Variants in TTN observed in about 807,000 individuals in gnomAD.
TTN encodes titin, also known as connectin.
In TTN, 1,525 loss-of-function variants were observed where a neutral mutation model predicts 3,223.0. The ratio of observed to expected loss-of-function variants is 0.47; its 90% CI spans 0.45 to 0.49. The LOEUF (loss-of-function observed/expected upper bound fraction) is 0.49. Ranked by LOEUF, TTN falls within the 20% of genes least tolerant of loss-of-function variation. The probability of loss-of-function intolerance (pLI) is 0.00; values close to 1 mark genes in which losing one functional copy is unlikely to be tolerated. For synonymous variants in TTN, 14,094 were observed against 15,161.0 expected (o/e 0.93, Z 5.17); for missense variants, 40,786 against 43,424.0 (o/e 0.94, Z 5.40).
At position 178,711,007 on chromosome 2, in the gene TTN, C is replaced by T. The variant is rs1202480325; in HGVS notation, c.28174+55G>A. 1.9e-6 allele frequency: 3 copies of T among 1,548,248 alleles called. No homozygotes were observed. In the African/African-American group the frequency reaches 4.1e-5, roughly 21 times the overall value. On this transcript the variant is annotated intron_variant, in intron 97 of 362. Coordinates refer to ENST00000589042, the MANE Select transcript of TTN (RefSeq NM_001267550.2). Reference sequence around the variant, plus strand: ...TGAAATAGAAATTTCTCCCTAAGTTCATATTTGATTATAATACTTTAATTC... The same window carrying T: ...TGAAATAGAAATTTCTCCCTAAGTTTATATTTGATTATAATACTTTAATTC...
At position 178,774,317 on chromosome 2, in the gene TTN, G is replaced by C; in HGVS notation, c.6947C>G (p.Ser2316Cys). 6.2e-7 allele frequency: 1 copy of C among 1,614,084 alleles called. No individual in the cohort carries two copies. Among genetic ancestry groups the C allele is most frequent in the Non-Finnish European group, 8.5e-7 (1 of 1,179,984 alleles). ...CGTGAGGTTCTGACGTCCACGACGA[G>C]ATGTAATTGTATATTTGCCATTGGA... ...LKSNGKYTIT[S>C]RRGRQNLTVK... The change falls in exon 30 of 363, where the codon TCT becomes TGT. Residue 2316 changes from serine to cysteine, a missense_variant. Coordinates refer to ENST00000589042, the MANE Select transcript of TTN (RefSeq NM_001267550.2).
At chr2:178,793,620 T>C (rs936817217) in intron 8 of TTN, 79 bp from the exon 9 acceptor site, 36 of 1,593,008 alleles carry the variant, frequency 2.3e-5, no homozygotes, top group Middle Eastern at 3.3e-4. Flanking sequence ...CTCGCCAACA[T>C]GGTGAAATCC....
Position 178,714,141 on chromosome 2 carries a change from T to C in TTN, c.26517A>G (p.Ile8839Met). ...PATIVEKPES[I>M]KVTTGDTCTL... ...TACAGGTGTCTCCCGTGGTAACTTT[T>C]ATGGATTCTGGCTTTTCTACAATTG... The change falls in exon 92 of 363, where the codon ATA becomes ATG. Residue 8839 changes from isoleucine to methionine, a missense_variant. Physicochemically the swap from Ile to Met is conservative, Grantham distance 10. Coordinates refer to ENST00000589042, the MANE Select transcript of TTN (RefSeq NM_001267550.2). 1.2e-6 allele frequency: 2 copies of C among 1,613,242 alleles called. No homozygotes were observed. Among genetic ancestry groups the C allele is most frequent in the Non-Finnish European group, 8.5e-7 (1 of 1,179,514 alleles).
chr2:178,747,532 C>G (rs763123059), intron 47 of TTN: 22 of 1,613,322 alleles, frequency 1.4e-5, no homozygotes, highest in Non-Finnish European at 1.9e-5. Context: ...CTAGTGATTC[C>G]TGTTTCTGGT....
Position 178,537,092 on chromosome 2 carries a change from C to T in TTN, c.100017G>A (p.Trp33339Ter). The change falls in exon 356 of 363, where the codon TGG becomes TGA. Residue 33339 changes from tryptophan to a stop codon, truncating the protein, a stop_gained. Coordinates refer to ENST00000589042, the MANE Select transcript of TTN (RefSeq NM_001267550.2). LOFTEE classifies it high-confidence loss of function. The part of the protein sequence containing the change: ...EKCEAKEGAE[W>*]QLVSSAISVT... ...CTGAGATGGCTGAAGACACCAATTG[C>T]CATTCAGCCCCCTCCTTGGCCTCAC... 2 of 1,613,156 alleles carry T rather than the reference C, an allele frequency of 1.2e-6. No homozygotes were observed. The highest frequency in any genetic ancestry group is 2.2e-5 in the South Asian group (2 of 90,956).
chr2:178,539,790 C>T lies in TTN; in HGVS notation c.98275G>A (p.Glu32759Lys), dbSNP rs748573833. ...CTGTCTGCTTCTTTGATCACAAGCT[C>T]AGTGTGTGTTTCAGATGTTGCAATC... is the stretch of plus-strand genomic sequence containing the variant. The part of the protein sequence containing the change: ...AMIATSETHT[E>K]LVIKEADRGD... The change falls in exon 352 of 363, where the codon GAG becomes AAG. Residue 32759 changes from glutamate to lysine, a missense_variant. Coordinates refer to ENST00000589042, the MANE Select transcript of TTN (RefSeq NM_001267550.2). 1.2e-6 allele frequency: 2 copies of T among 1,613,852 alleles called. No homozygotes were observed. The highest frequency in any genetic ancestry group is 4.5e-5 in the East Asian group (2 of 44,872).
chr2:178,783,380 T>C (rs2092941521), intron 17 of TTN, among the ~76,000 whole-genome samples: 1 of 152,210 alleles, frequency 6.6e-6, no homozygotes, highest in African/African-American at 2.4e-5. Context: ...TATTTTATTA[T>C]GCTTGTTTGT....
At chr2:178,793,219 G>A (rs1252278605) in intron 9 of TTN, among the ~76,000 whole-genome samples, 185 bp downstream of exon 9, 3 of 152,188 alleles carry the variant, frequency 2.0e-5, no homozygotes, top group Admixed American at 2.0e-4. Flanking sequence ...CACAAGGGGA[G>A]CATTCAGGGA....
At chr2:178,689,002 G>GATTT in intron 125 of TTN, 51 bp downstream of exon 125, 1 of 1,217,608 alleles carries the variant, frequency 8.2e-7, no homozygotes, top group Non-Finnish European at 1.2e-6. Flanking sequence ...CACACTCGAA[G>GATTT]ATTTTTTTTT....
Position 178,609,198 on chromosome 2 carries a change from A to C in TTN, c.52102+10T>G. On this transcript the variant is annotated intron_variant, in intron 273 of 362. Transcript: ENST00000589042. ...TTTTTCCATTGGAAAGTGTAGTTTTAATGACTCACCTAACACACTGACAGT... is the reference window on the plus strand; with the variant it reads ...TTTTTCCATTGGAAAGTGTAGTTTTCATGACTCACCTAACACACTGACAGT... The C allele has an allele frequency of 6.7e-7, 1 of 1,491,688 alleles. No homozygotes were observed. Among genetic ancestry groups the C allele is most frequent in the Non-Finnish European group, 8.9e-7 (1 of 1,126,566 alleles). 92.4% of individuals were successfully genotyped at this position (1,491,688 alleles called of 1,614,324 possible). A position where few individuals can be genotyped will look rare whatever the true frequency, so the allele number is the denominator to read the frequency against.
In TTN at chr2:178,616,854, T is replaced by G. The variant is rs2057430031; in HGVS notation, c.48035A>C (p.Lys16012Thr). ...VLETGDRVKMKTLSAYAELVI... is the reference protein window; with the variant it reads ...VLETGDRVKMTTLSAYAELVI... The stretch of plus-strand genomic sequence containing the variant: ...AAGTTCGGCATAGGCAGACAAGGTC[T>G]TCATTTTCACCCGGTCCCCTGTTTC... Residue 16012 changes from lysine to threonine, a missense_variant, in exon 256 of 363, where the codon AAG (lysine) becomes ACG (threonine). Physicochemically the swap from Lys to Thr is moderately conservative, Grantham distance 78. Coordinates refer to ENST00000589042, the MANE Select transcript of TTN (RefSeq NM_001267550.2). 1 of 1,612,620 alleles carries G rather than the reference T, an allele frequency of 6.2e-7. No individual in the cohort carries two copies. Among genetic ancestry groups the G allele is most frequent in the South Asian group, 1.1e-5 (1 of 91,064 alleles).
chr2:178,594,760 T>C (rs551272354), intron 295 of TTN, 114 bp from the exon 296 acceptor site: 255 of 825,916 alleles, frequency 3.1e-4, no homozygotes, highest in Non-Finnish European at 4.4e-4. Context: ...AACTCTCTGC[T>C]CCCATAAATA....
At chr2:178,640,192 G>C in intron 221 of TTN, 82 bp from the exon 222 acceptor site, 1 of 1,269,502 alleles carries the variant, frequency 7.9e-7, no homozygotes, top group Non-Finnish European at 1.1e-6. Context: ...TTAAGCCCAC[G>C]TATCTTGGAA....
intron 47 of TTN, chr2:178,748,348 A>T: frequency 6.2e-7 from 1 of 1,613,166 alleles, no homozygotes; most frequent in South Asian, 1.1e-5. Context: ...CCATAGTTCT[A>T]TTTGAAAGCT....
In TTN at chr2:178,559,281, A is replaced by T. The variant is rs745487280; in HGVS notation, c.86821+30T>A. 7.9e-6 allele frequency: 12 copies of T among 1,525,502 alleles called. 1 individual carries two copies. In the South Asian group the frequency reaches 1.6e-4, roughly 20 times the overall value. The allele number at this position is 1,525,502 out of a possible 1,614,324, so 94.5% of individuals were successfully genotyped here. A position where few individuals can be genotyped will look rare whatever the true frequency, so the allele number is the denominator to read the frequency against. ...CTATTCTAGCAAAATTAACGTGGAT[A>T]TGTAGAATTTCCTTATTCTTAAAAC... On this transcript the variant is annotated intron_variant, in intron 326 of 362. Coordinates refer to ENST00000589042, the MANE Select transcript of TTN (RefSeq NM_001267550.2).
chr2:178,740,615 T>G lies in TTN; in HGVS notation c.12618A>C (p.Leu4206Phe). The change falls in exon 48 of 363, where the codon TTA becomes TTC. Residue 4206 changes from leucine to phenylalanine, a missense_variant. By Grantham distance (22) the Leu-to-Phe change is conservative. Coordinates refer to ENST00000589042, the MANE Select transcript of TTN (RefSeq NM_001267550.2). ...SLTVEPLKTL[L>F]AEPEGNYPQS... ...GTGGATAATTCCCTTCAGGTTCAGCTAATAAAGTTTTCAGAGGCTCAACTG... is the reference window on the plus strand; with the variant it reads ...GTGGATAATTCCCTTCAGGTTCAGCGAATAAAGTTTTCAGAGGCTCAACTG... The G allele has an allele frequency of 6.2e-7, 1 of 1,613,894 alleles. No homozygotes were observed. Among genetic ancestry groups the G allele is most frequent in the Non-Finnish European group, 8.5e-7 (1 of 1,179,824 alleles).
chr2:178,784,443 G>T (rs915919535), intron 15 of TTN, 92 bp from the exon 16 acceptor site: 1 of 1,501,610 alleles, frequency 6.7e-7, no homozygotes, highest in Non-Finnish European at 9.1e-7. Context: ...TTTCTATAAG[G>T]TCTGTTCTTT....
intron 121 of TTN, 65 bp downstream of exon 121, chr2:178,691,951 G>A: frequency 7.3e-7 from 1 of 1,367,230 alleles, no homozygotes; most frequent in Non-Finnish European, 1.0e-6. Context: ...TACATATGAA[G>A]ATCGTAGAAA....
rs372404266 is a variant in TTN at position 178,618,073 on chromosome 2, C to T, written c.47278G>A (p.Gly15760Ser). ...GTGATGGTTACATTCAAAGGAGGGCCTGGAACATCTGGATTTCACCACAGA... is the reference window on the plus strand; with the variant it reads ...GTGATGGTTACATTCAAAGGAGGGCTTGGAACATCTGGATTTCACCACAGA... Reference protein sequence around the residue: ...VEARSKYDVPGPPLNVTITDV... With the variant: ...VEARSKYDVPSPPLNVTITDV... Residue 15760 changes from glycine to serine, a missense_variant, in exon 253 of 363, where the codon GGC becomes AGC. By Grantham distance (56) the Gly-to-Ser change is moderately conservative (BLOSUM62 0). Coordinates refer to ENST00000589042, the MANE Select transcript of TTN (RefSeq NM_001267550.2). The T allele has an allele frequency of 4.4e-5, 71 of 1,611,824 alleles. No individual in the cohort carries two copies. Among genetic ancestry groups the T allele is most frequent in the Non-Finnish European group, 5.3e-5 (63 of 1,178,974 alleles).
Sources: gnomAD v4.1 joint callset for allele counts (sites outside exome capture counted in the v4.1 genomes callset) on GRCh38, gnomAD v4.1.1 for gene constraint, MANE v1.5 for transcripts, NCBI Gene and HGNC (gene_info 2026-07-23, HGNC 2026-07-21) for gene names.